GDPD1: variants seen among roughly 807,000 people sequenced by gnomAD.
GDPD1 encodes the protein glycerophosphodiester phosphodiesterase domain containing 1.
A neutral mutation model predicts 45.1 loss-of-function variants in GDPD1; 28 were observed. The observed-to-expected ratio is 0.62, with a 90% confidence interval of 0.46 to 0.85. The LOEUF (loss-of-function observed/expected upper bound fraction) is 0.85, where lower values mean the gene tolerates loss of function less well. Among genes scored for constraint, GDPD1 ranks in the 40% least tolerant of loss-of-function variants. The pLI is 0.00. For missense variants in GDPD1, 256 were observed against 364.8 expected (o/e 0.70, Z 2.43); for synonymous variants, 139 against 131.4 (o/e 1.06, Z -0.40).
At chr17:59,242,797 C>A (rs1376317389) in intron 2 of GDPD1, among the ~76,000 whole-genome samples, 1 of 152,138 alleles carries the variant, frequency 6.6e-6, no homozygotes, top group East Asian at 1.9e-4. Flanking sequence ...GATCACCAGG[C>A]CACCACACAT....
At chr17:59,262,581 A>G (rs1568349323) in intron 6 of GDPD1, among the ~76,000 whole-genome samples, 1 of 151,996 alleles carries the variant, frequency 6.6e-6, no homozygotes, top group Non-Finnish European at 1.5e-5. Flanking sequence ...GGGTACCACT[A>G]CAAGAGATTT....
chr17:59,231,617 C>T (rs1304030453), intron 1 of GDPD1, among the ~76,000 whole-genome samples: 2 of 151,872 alleles, frequency 1.3e-5, no homozygotes, highest in African/African-American at 2.4e-5. Context: ...TGAGCCACCG[C>T]GCCCAGCCAA....
chr17:59,256,944 G>T (rs926718803), intron 4 of GDPD1, among the ~76,000 whole-genome samples, 178 bp from the exon 5 acceptor site: 1 of 152,056 alleles, frequency 6.6e-6, no homozygotes, highest in Non-Finnish European at 1.5e-5. Flanking sequence ...AGTAGAGAAA[G>T]TACACCAGAT....
chr17:59,230,370 ATTTTTTTTTTTTTTTT>A (rs942416287), intron 1 of GDPD1, among the ~76,000 whole-genome samples: 29 of 80,070 alleles, frequency 3.6e-4, no homozygotes, highest in Non-Finnish European at 5.7e-4. Context: ...CAGTTGTAGA[ATTTTTTTTTTTTTTTT>A]TTTTTTTTTT....
intron 2 of GDPD1, among the ~76,000 whole-genome samples, chr17:59,242,928 G>A (rs1300693288): frequency 6.6e-6 from 1 of 152,168 alleles, no homozygotes; most frequent in African/African-American, 2.4e-5. Flanking sequence ...GCTGGGCATG[G>A]TGGTTCACAC....
chr17:59,264,960 C>G (rs1801856614), intron 6 of GDPD1, among the ~76,000 whole-genome samples: 1 of 151,928 alleles, frequency 6.6e-6, no homozygotes, highest in Non-Finnish European at 1.5e-5. Context: ...CCTGCCTCAG[C>G]CTCCCGAGTA....
intron 2 of GDPD1, among the ~76,000 whole-genome samples, chr17:59,234,947 C>A (rs2047120446): frequency 6.8e-6 from 1 of 146,980 alleles, no homozygotes; most frequent in African/African-American, 2.5e-5. Flanking sequence ...AATCTGGTTT[C>A]TTCTTGGAAG....
At chr17:59,270,387 G>GT (rs1273843344) in intron 7 of GDPD1, among the ~76,000 whole-genome samples, 1 of 151,614 alleles carries the variant, frequency 6.6e-6, no homozygotes, top group Non-Finnish European at 1.5e-5. Flanking sequence ...AGAGACGGGG[G>GT]GGGGTTTCAC....
chr17:59,269,233 G>T (rs1386567639), intron 7 of GDPD1, among the ~76,000 whole-genome samples: 2 of 151,978 alleles, frequency 1.3e-5, no homozygotes, highest in Non-Finnish European at 2.9e-5. Context: ...AGAGGTGGAG[G>T]TTGCAGTGAG....
intron 6 of GDPD1, among the ~76,000 whole-genome samples, chr17:59,262,891 G>A (rs933055839): frequency 6.6e-6 from 1 of 152,052 alleles, no homozygotes; most frequent in African/African-American, 2.4e-5. Context: ...GCCTCCCACA[G>A]TGCTGGGATT....
At chr17:59,225,608 A>AT (rs1451014942) in intron 1 of GDPD1, among the ~76,000 whole-genome samples, 9 of 152,318 alleles carry the variant, frequency 5.9e-5, no homozygotes, top group African/African-American at 1.9e-4. Context: ...GATTACAGGC[A>AT]TGAGCCACTG....
At chr17:59,267,273 C>A in intron 7 of GDPD1, 99 bp downstream of exon 7, 1 of 1,102,552 alleles carries the variant, frequency 9.1e-7, no homozygotes, top group South Asian at 1.5e-5. Flanking sequence ...GAAGAGATTT[C>A]TGTAGTGATT....
chr17:59,266,447 T>TTA lies in GDPD1; in HGVS notation c.577-584_577-583dup, dbSNP rs1435807023. On this transcript the variant is annotated intron_variant, in intron 6 of 9. Transcript: ENST00000284116. Reference sequence around the variant, plus strand: ...TATGTGTATTTTAGCACAATTAAAATTATATATATATGTATGTCTATCTTG... The same window carrying TTA: ...TATGTGTATTTTAGCACAATTAAAATTATATATATATATGTATGTCTATCTTG... Among the ~76,000 whole-genome samples, 8 of 151,866 alleles carry TTA rather than the reference T, an allele frequency of 5.3e-5. No individual in the cohort carries two copies. In the East Asian group the frequency reaches 7.7e-4, roughly 15 times the overall value.
At chr17:59,255,848 T>C (rs71375108) in intron 4 of GDPD1, among the ~76,000 whole-genome samples, 20,531 of 84,482 alleles carry the variant, frequency 0.24, 4,150 homozygotes, top group South Asian at 0.34. Flanking sequence ...TATATATATA[T>C]ATACACACGT....
intron 1 of GDPD1, among the ~76,000 whole-genome samples, chr17:59,232,905 A>G (rs916718672): frequency 6.6e-6 from 1 of 152,098 alleles, no homozygotes; most frequent in African/African-American, 2.4e-5. Flanking sequence ...ATAACAGTGT[A>G]TGGTAATTTT....
intron 6 of GDPD1, among the ~76,000 whole-genome samples, chr17:59,259,872 G>C (rs766136616): frequency 5.3e-5 from 8 of 150,288 alleles, no homozygotes; most frequent in Non-Finnish European, 1.2e-4. Context: ...ACCAGCCTAG[G>C]GAACATGAGG....
Position 59,257,741 on chromosome 17 carries a change from T to C in GDPD1, c.487-10T>C. The C allele has an allele frequency of 1.3e-6, 2 of 1,588,592 alleles. No homozygotes were observed. The highest frequency in any genetic ancestry group is 1.7e-6 in the Non-Finnish European group (2 of 1,168,484). On this transcript the variant is annotated splice_polypyrimidine_tract_variant and intron_variant, in intron 5 of 9. Transcript: ENST00000284116. ...GGCACATGCATAAAATTTTGAATTT[T>C]CACACGTAGGTTTCAGAGTTGGTGA...
chr17:59,260,102 C>T (rs1300115595), intron 6 of GDPD1, among the ~76,000 whole-genome samples: 1 of 100,450 alleles, frequency 1.0e-5, no homozygotes, highest in Non-Finnish European at 2.2e-5. Context: ...AAAAAAAAAT[C>T]CTATTATCTA....
At chr17:59,226,228 T>C (rs8065058) in intron 1 of GDPD1, among the ~76,000 whole-genome samples, 68,061 of 151,910 alleles carry the variant, frequency 0.45, 17,246 homozygotes, top group African/African-American at 0.7. Flanking sequence ...TAGAAATATT[T>C]TGTGGTGCTT....
Sources: gnomAD v4.1 joint callset for allele counts (sites outside exome capture counted in the v4.1 genomes callset) on GRCh38, gnomAD v4.1.1 for gene constraint, MANE v1.5 for transcripts, NCBI Gene and HGNC (gene_info 2026-07-23, HGNC 2026-07-21) for gene names.